Variants in CLSTN2 observed in about 807,000 individuals in gnomAD.
The protein encoded by CLSTN2 is calsyntenin-2.
Under a neutral mutation model 101.2 loss-of-function variants are expected in CLSTN2, and 48 were observed. The observed-to-expected ratio is 0.47, with a 90% CI of 0.38 to 0.60. CLSTN2 has a LOEUF of 0.60. CLSTN2 is among the 20% of genes least tolerant of loss of function. The probability of loss-of-function intolerance (pLI) is 0.00; values close to 1 mark genes in which losing one functional copy is unlikely to be tolerated. For missense variants in CLSTN2, 1,160 were observed against 1,238.2 expected (o/e 0.94, Z 0.95); for synonymous variants, 481 against 463.6 (o/e 1.04, Z -0.48).
chr3:140,191,712 G>A (rs576755751), intron 2 of CLSTN2, among the ~76,000 whole-genome samples: 1 of 151,976 alleles, frequency 6.6e-6, no homozygotes, highest in South Asian at 2.1e-4. Context: ...GTATCCTTTT[G>A]ATATCTGCAG....
chr3:140,344,978 A>G (rs17345089), intron 2 of CLSTN2, among the ~76,000 whole-genome samples: 16,643 of 152,176 alleles, frequency 0.11, 1,024 homozygotes, highest in Middle Eastern at 0.16. Context: ...GCCATTTGGA[A>G]TGAACCATAC....
intron 2 of CLSTN2, among the ~76,000 whole-genome samples, chr3:140,357,033 C>A (rs1421500287): frequency 6.6e-6 from 1 of 152,070 alleles, no homozygotes; most frequent in African/African-American, 2.4e-5. Context: ...CAAAGCAAAG[C>A]AAAGGCACAG....
At chr3:140,366,723 G>T (rs2087794723) in intron 2 of CLSTN2, among the ~76,000 whole-genome samples, 1 of 152,184 alleles carries the variant, frequency 6.6e-6, no homozygotes, top group Non-Finnish European at 1.5e-5. Context: ...GAGAGTGATT[G>T]TTTATGTCTC....
At chr3:139,973,279 C>T (rs1008527450) in intron 1 of CLSTN2, among the ~76,000 whole-genome samples, 2 of 152,214 alleles carry the variant, frequency 1.3e-5, no homozygotes, top group Non-Finnish European at 2.9e-5. Context: ...TCAAGGGAAG[C>T]ATAATGTGGC....
chr3:140,259,319 C>CA (rs1246970503), intron 2 of CLSTN2, among the ~76,000 whole-genome samples: 3 of 151,786 alleles, frequency 2.0e-5, no homozygotes, highest in Middle Eastern at 3.2e-3. Flanking sequence ...ACTAAAAATA[C>CA]AAAAATTAGC....
chr3:140,071,255 G>A (rs982458150), intron 1 of CLSTN2, among the ~76,000 whole-genome samples: 8 of 151,938 alleles, frequency 5.3e-5, no homozygotes, highest in Non-Finnish European at 8.8e-5. Context: ...AATACCTTCC[G>A]CATGCTTTCT....
intron 2 of CLSTN2, among the ~76,000 whole-genome samples, chr3:140,382,929 T>G (rs1206091692): frequency 2.1e-5 from 3 of 146,024 alleles, no homozygotes; most frequent in African/African-American, 7.7e-5. Flanking sequence ...GCGGATTAGG[T>G]TTAAACATAT....
intron 9 of CLSTN2, among the ~76,000 whole-genome samples, chr3:140,540,909 T>G (rs1434635379): frequency 6.6e-6 from 1 of 152,214 alleles, no homozygotes; most frequent in Non-Finnish European, 1.5e-5. Context: ...TGATGCAAAC[T>G]CCGACTCAGA....
chr3:140,035,419 C>A (rs1321295963), intron 1 of CLSTN2, among the ~76,000 whole-genome samples: 1 of 152,186 alleles, frequency 6.6e-6, no homozygotes, highest in African/African-American at 2.4e-5. Context: ...CACATCCTGT[C>A]CCTTTGCAGC....
chr3:140,351,994 T>C (rs1363662303), intron 2 of CLSTN2, among the ~76,000 whole-genome samples: 1 of 152,134 alleles, frequency 6.6e-6, no homozygotes, highest in African/African-American at 2.4e-5. Context: ...CTGTAGAGAA[T>C]AAATGTGCCT....
intron 1 of CLSTN2, among the ~76,000 whole-genome samples, chr3:140,093,586 T>G (rs1483649210): frequency 6.6e-6 from 1 of 152,186 alleles, no homozygotes; most frequent in African/African-American, 2.4e-5. Flanking sequence ...GAGCTCTGCC[T>G]GAGCATTCAC....
intron 2 of CLSTN2, among the ~76,000 whole-genome samples, chr3:140,241,880 TAC>T (rs1219976223): frequency 1.4e-5 from 2 of 140,070 alleles, no homozygotes; most frequent in African/African-American, 5.4e-5. Context: ...CATATATATA[TAC>T]ACACACACAC....
chr3:140,007,962 C>T (rs946503669), intron 1 of CLSTN2, among the ~76,000 whole-genome samples: 6 of 152,130 alleles, frequency 3.9e-5, no homozygotes, highest in Admixed American at 2.6e-4. Flanking sequence ...TAGAACTAGC[C>T]TTTAGATTTG....
Position 140,419,859 on chromosome 3 carries a change from A to G in CLSTN2, c.638-1266A>G, listed in dbSNP as rs1435195341. On this transcript the variant is annotated intron_variant, in intron 4 of 16. Transcript: ENST00000458420. Reference sequence around the variant, plus strand: ...TATATATATGTGTATATATATATGTATATATATATATGTCAGCCATTACCT... The same window carrying G: ...TATATATATGTGTATATATATATGTGTATATATATATGTCAGCCATTACCT... Among the ~76,000 whole-genome samples the G allele has an allele frequency of 6.1e-5, 8 of 132,120 alleles. 2 individuals carry two copies. Among genetic ancestry groups the G allele is most frequent in the South Asian group, 2.3e-4 (1 of 4,298 alleles). 86.7% of individuals were successfully genotyped at this position (132,120 alleles called of 152,430 possible). A position where few individuals can be genotyped will look rare whatever the true frequency, so the allele number is the denominator to read the frequency against.
chr3:140,319,551 G>A (rs533870453), intron 2 of CLSTN2, among the ~76,000 whole-genome samples: 98 of 152,220 alleles, frequency 6.4e-4, no homozygotes, highest in Non-Finnish European at 1.2e-3. Flanking sequence ...TAATCAGGCT[G>A]CCCCTGTAGG....
chr3:140,404,567 C>T lies in CLSTN2; in HGVS notation c.438C>T (p.Val146=). Reference sequence around the variant, plus strand: ...CTGTGTGTGGTCCCAGGGCCGTGGTCCATATACAGGTGAAGGATGTCAACG... The same window carrying T: ...CTGTGTGTGGTCCCAGGGCCGTGGTTCATATACAGGTGAAGGATGTCAACG... ...TAWKKSHKAV[V]HIQVKDVNEF... Residue 146 remains valine (V), a synonymous_variant, in exon 4 of 17, where the codon GTC becomes GTT. Coordinates refer to ENST00000458420, the MANE Select transcript of CLSTN2 (RefSeq NM_022131.3). The T allele has an allele frequency of 1.2e-6, 2 of 1,614,070 alleles. No homozygotes were observed. Among genetic ancestry groups the T allele is most frequent in the Non-Finnish European group, 1.7e-6 (2 of 1,179,984 alleles).
intron 2 of CLSTN2, among the ~76,000 whole-genome samples, chr3:140,324,797 C>A (rs988326801): frequency 1.3e-5 from 2 of 152,080 alleles, no homozygotes; most frequent in Non-Finnish European, 2.9e-5. Context: ...GCATTTTTAC[C>A]AGATTTGTTG....
chr3:140,040,749 C>A (rs1236717838), intron 1 of CLSTN2, among the ~76,000 whole-genome samples: 1 of 152,058 alleles, frequency 6.6e-6, no homozygotes, highest in Non-Finnish European at 1.5e-5. Flanking sequence ...AGTTTGAACA[C>A]AGTGGAAAGA....
chr3:140,405,484 C>T (rs1232887619), intron 4 of CLSTN2, among the ~76,000 whole-genome samples: 1 of 152,206 alleles, frequency 6.6e-6, no homozygotes, highest in Non-Finnish European at 1.5e-5. Context: ...ACCTCGGCCT[C>T]CCAAAGTGCT....
Sources: allele counts gnomAD v4.1 joint callset (sites outside exome capture counted in the v4.1 genomes callset), GRCh38; gene constraint gnomAD v4.1.1; transcripts MANE v1.5; gene names NCBI Gene and HGNC (gene_info 2026-07-23, HGNC 2026-07-21).